Variants in MIS18BP1 observed in about 807,000 individuals in gnomAD.
The protein encoded by MIS18BP1 is MIS18 binding protein 1.
In MIS18BP1, 72 loss-of-function variants were observed where a neutral mutation model predicts 116.1. The observed-to-expected ratio is 0.62, with a 90% CI of 0.51 to 0.75. The LOEUF is 0.75. MIS18BP1 is among the 30% of genes least tolerant of loss of function. The probability of loss-of-function intolerance (pLI) is 0.00; values close to 1 mark genes in which losing one functional copy is unlikely to be tolerated. For missense variants in MIS18BP1, 1,363 were observed against 1,303.2 expected (o/e 1.05, Z -0.71); for synonymous variants, 386 against 427.0 (o/e 0.90, Z 1.18).
At chr14:45,208,109 C>T (rs1319273527) in intron 14 of MIS18BP1, among the ~76,000 whole-genome samples, 1 of 152,154 alleles carries the variant, frequency 6.6e-6, no homozygotes, top group Non-Finnish European at 1.5e-5. Flanking sequence ...CTTTTGAAAA[C>T]TACTATCCAC....
chr14:45,235,928 A>G lies in MIS18BP1; in HGVS notation c.1234T>C (p.Tyr412His), dbSNP rs1210079475. The part of the protein sequence containing the change: ...EGKLIDVTNI[Y>H]WHSNVIIERI... ...TCTATAATTACATTACTGTGCCAAT[A>G]TATGTTAGTGACGTCTCTAGGAAAA... The change falls in exon 6 of 17, where the codon TAT (tyrosine) becomes CAT (histidine). Residue 412 changes from tyrosine (Y) to histidine (H), a missense_variant. By Grantham distance (83) the Tyr-to-His change is moderately conservative (BLOSUM62 2). Coordinates refer to ENST00000310806, the MANE Select transcript of MIS18BP1 (RefSeq NM_018353.5). 6.2e-7 allele frequency: 1 copy of G among 1,606,714 alleles called. No homozygotes were observed. The highest frequency in any genetic ancestry group is 1.1e-5 in the South Asian group (1 of 89,612).
chr14:45,224,047 C>T lies in MIS18BP1; in HGVS notation c.2540G>A (p.Gly847Asp), dbSNP rs35141317. The change falls in exon 11 of 17, where the codon GGT becomes GAT. Residue 847 changes from glycine (G) to aspartate (D), a missense_variant. Gly to Asp is a moderately conservative substitution (Grantham distance 94). Transcript: ENST00000310806. The part of the protein sequence containing the change: ...PSVKETLQKS[G>D]VRKEFPITEA... ...AGTAATTGGAAACTCTTTCCTAACACCAGACTTCTGAAGAGTTTCTTTGAC... is the reference window on the plus strand; with the variant it reads ...AGTAATTGGAAACTCTTTCCTAACATCAGACTTCTGAAGAGTTTCTTTGAC... 1 of 1,613,750 alleles carries T rather than the reference C, an allele frequency of 6.2e-7. No homozygotes were observed. Among genetic ancestry groups the T allele is most frequent in the Admixed American group, 1.7e-5 (1 of 60,004 alleles).
At chr14:45,234,026 C>T (rs1385166540) in intron 6 of MIS18BP1, among the ~76,000 whole-genome samples, 1 of 151,886 alleles carries the variant, frequency 6.6e-6, no homozygotes, top group Non-Finnish European at 1.5e-5. Flanking sequence ...GAGAAATACA[C>T]AAAGAAACTA....
chr14:45,226,738 A>G lies in MIS18BP1; in HGVS notation c.1840+5T>C. Reference sequence around the variant, plus strand: ...ATGATTAAAAAACCATTAAAGATATATTACCTTGCTTCTGACTTTTTATTA... The same window carrying G: ...ATGATTAAAAAACCATTAAAGATATGTTACCTTGCTTCTGACTTTTTATTA... On this transcript the variant is annotated splice_donor_5th_base_variant and intron_variant, in intron 10 of 16. Coordinates refer to ENST00000310806, the MANE Select transcript of MIS18BP1 (RefSeq NM_018353.5). 1 of 1,379,072 alleles carries G rather than the reference A, an allele frequency of 7.3e-7. No homozygotes were observed. Among genetic ancestry groups the G allele is most frequent in the Non-Finnish European group, 9.6e-7 (1 of 1,043,734 alleles). The allele number at this position is 1,379,072 out of a possible 1,614,324, so 85.4% of individuals were successfully genotyped here.
At chr14:45,215,950 C>T (rs1400803393) in intron 13 of MIS18BP1, among the ~76,000 whole-genome samples, 3 of 151,946 alleles carry the variant, frequency 2.0e-5, no homozygotes, top group East Asian at 1.9e-4. Flanking sequence ...GTGATCTGCC[C>T]GCCTCGGCCT....
intron 13 of MIS18BP1, among the ~76,000 whole-genome samples, chr14:45,215,363 T>C (rs935820393): frequency 6.6e-6 from 1 of 152,226 alleles, no homozygotes; most frequent in Non-Finnish European, 1.5e-5. Flanking sequence ...CACAACTGTT[T>C]GAATTTTTAT....
Position 45,220,956 on chromosome 14 carries a change from G to A in MIS18BP1, c.2670-2502C>T, listed in dbSNP as rs572707752. ...TCGAGACCAGCCTGGCCAACATGGTGAAACCTTAACTCCACTAAAAATACA... is the reference window on the plus strand; with the variant it reads ...TCGAGACCAGCCTGGCCAACATGGTAAAACCTTAACTCCACTAAAAATACA... On this transcript the variant is annotated intron_variant, in intron 11 of 16. Transcript: ENST00000310806. Among the ~76,000 whole-genome samples the A allele has an allele frequency of 3.4e-3, 520 of 152,104 alleles. 3 individuals carry two copies. The highest frequency in any genetic ancestry group is 5.9e-3 in the Non-Finnish European group (404 of 67,994).
At position 45,235,961 on chromosome 14, in the gene MIS18BP1, G is replaced by GT; in HGVS notation, c.1218-18dup. ...GTGACGTCTCTAGGAAAAAAAAATA[G>GT]TTTTGGTAAGGTCAAAATATTCATA... On this transcript the variant is annotated splice_polypyrimidine_tract_variant and intron_variant, in intron 5 of 16. Coordinates refer to ENST00000310806, the MANE Select transcript of MIS18BP1 (RefSeq NM_018353.5). 4 of 1,582,526 alleles carry GT rather than the reference G, an allele frequency of 2.5e-6. No homozygotes were observed. Among genetic ancestry groups the GT allele is most frequent in the Non-Finnish European group, 2.6e-6 (3 of 1,164,034 alleles).
chr14:45,206,381 G>A (rs575070298), intron 14 of MIS18BP1: 2 of 432,790 alleles, frequency 4.6e-6, no homozygotes, highest in South Asian at 5.1e-5. Flanking sequence ...CAACCTCCTG[G>A]GCTCAAGTGA....
chr14:45,225,244 G>C (rs1891093586), intron 10 of MIS18BP1, among the ~76,000 whole-genome samples: 1 of 152,138 alleles, frequency 6.6e-6, no homozygotes, highest in African/African-American at 2.4e-5. Context: ...TCCCTACACT[G>C]AATGAAAGCT....
chr14:45,218,749 T>C (rs1890892246), intron 11 of MIS18BP1, among the ~76,000 whole-genome samples: 1 of 151,596 alleles, frequency 6.6e-6, no homozygotes, highest in Admixed American at 6.6e-5. Flanking sequence ...TTTTTCTAAG[T>C]CCAACTAATC....
At chr14:45,252,361 AAAAG>A (rs776833660) in intron 1 of MIS18BP1, among the ~76,000 whole-genome samples, 14 of 152,394 alleles carry the variant, frequency 9.2e-5, no homozygotes, top group Non-Finnish European at 1.6e-4. Flanking sequence ...ATTAAATTGA[AAAAG>A]AAAGTAACAA....
chr14:45,241,700 T>C (rs1368770837), intron 4 of MIS18BP1: 1 of 180,712 alleles, frequency 5.5e-6, no homozygotes, highest in Non-Finnish European at 1.2e-5. Flanking sequence ...ACTATTTTAA[T>C]AGTACTGTAA....
intron 1 of MIS18BP1, among the ~76,000 whole-genome samples, chr14:45,252,629 G>T (rs930589994): frequency 6.6e-6 from 1 of 152,158 alleles, no homozygotes; most frequent in Non-Finnish European, 1.5e-5. Context: ...AACATCTAAA[G>T]ATGTTTGCAA....
At position 45,208,842 on chromosome 14, in the gene MIS18BP1, C is replaced by T. The variant is rs1351351107; in HGVS notation, c.3152+1538G>A. Among the ~76,000 whole-genome samples, 5 of 152,158 alleles carry T rather than the reference C, an allele frequency of 3.3e-5. No homozygotes were observed. The East Asian group carries it at 9.6e-4, about 29-fold the overall frequency. On this transcript the variant is annotated intron_variant, in intron 14 of 16. Coordinates refer to ENST00000310806, the MANE Select transcript of MIS18BP1 (RefSeq NM_018353.5). ...TGAGAGTACTGAATAGTTTTTTTCT[C>T]AGTCACTATTATCTTGCTTCTGCCT... is the stretch of plus-strand genomic sequence containing the variant.
chr14:45,206,164 G>A lies in MIS18BP1; in HGVS notation c.3159C>T (p.Asp1053=). 6.3e-7 allele frequency: 1 copy of A among 1,592,740 alleles called. No homozygotes were observed. Among genetic ancestry groups the A allele is most frequent in the Non-Finnish European group, 8.6e-7 (1 of 1,163,316 alleles). The change falls in exon 15 of 17, where the codon GAC becomes GAT. Residue 1053 remains aspartate, a synonymous_variant. Coordinates refer to ENST00000310806, the MANE Select transcript of MIS18BP1 (RefSeq NM_018353.5). ...GCATACGAAAAACATATTTATCACA[G>A]TCATTCCTGTTTGAATACGAAATAA... The part of the protein sequence containing the change: ...PGMLGSINRN[D]CDKYVFRMQK...
intron 5 of MIS18BP1, among the ~76,000 whole-genome samples, chr14:45,236,948 T>C (rs1373421300): frequency 6.6e-6 from 1 of 151,636 alleles, no homozygotes; most frequent in African/African-American, 2.4e-5. Flanking sequence ...AGATAAAGAA[T>C]GGACAATACA....
intron 14 of MIS18BP1, among the ~76,000 whole-genome samples, chr14:45,209,654 G>C (rs541138388): frequency 6.6e-6 from 1 of 152,262 alleles, no homozygotes; most frequent in Non-Finnish European, 1.5e-5. Context: ...ATGGACCAGA[G>C]TTCATTTAAT....
At chr14:45,211,693 T>TACAGGGAACCC in intron 13 of MIS18BP1, among the ~76,000 whole-genome samples, 1 of 152,200 alleles carries the variant, frequency 6.6e-6, no homozygotes, top group Non-Finnish European at 1.5e-5. Context: ...GCCCTGTGTA[T>TACAGGGAACCC]TCACAGGAGG....
Sources: allele counts gnomAD v4.1 joint callset (sites outside exome capture counted in the v4.1 genomes callset), GRCh38; gene constraint gnomAD v4.1.1; transcripts MANE v1.5; gene names NCBI Gene and HGNC (gene_info 2026-07-23, HGNC 2026-07-21).